NLGN1: variants seen among roughly 807,000 people sequenced by gnomAD.
NLGN1 encodes neuroligin 1, also known as neuroligin-1.
NLGN1 carries 12 observed loss-of-function variants against 65.5 expected under a neutral mutation model. The ratio of observed to expected loss-of-function variants is 0.18; its 90% CI spans 0.12 to 0.30. The LOEUF (loss-of-function observed/expected upper bound fraction) is 0.30, where lower values mean the gene tolerates loss of function less well. Among genes scored for constraint, NLGN1 ranks in the 10% least tolerant of loss-of-function variants. The probability of loss-of-function intolerance (pLI) is 1.00; values close to 1 mark genes in which losing one functional copy is unlikely to be tolerated. For synonymous variants in NLGN1, 350 were observed against 359.5 expected (o/e 0.97, Z 0.30); for missense variants, 750 against 1,007.1 (o/e 0.74, Z 3.46).
chr3:173,872,501 C>T (rs1047615056), intron 4 of NLGN1, among the ~76,000 whole-genome samples: 45 of 152,144 alleles, frequency 3.0e-4, no homozygotes, highest in African/African-American at 1.0e-3. Context: ...TTGTGTTAAA[C>T]AGAAAATTTA....
intron 2 of NLGN1, among the ~76,000 whole-genome samples, chr3:173,557,379 CTT>C (rs1741888907): frequency 6.6e-6 from 1 of 151,978 alleles, no homozygotes; most frequent in African/African-American, 2.4e-5. Context: ...CAGCGTATGA[CTT>C]ATCTCATTTT....
chr3:174,288,923 C>T (rs529117844), downstream of NLGN1, among the ~76,000 whole-genome samples: 267 of 151,542 alleles, frequency 1.8e-3, no homozygotes, highest in Non-Finnish European at 3.0e-3. Context: ...TTCTGTCTTT[C>T]TACTGCCCTT....
At chr3:173,751,968 T>C (rs1776367128) in intron 3 of NLGN1, among the ~76,000 whole-genome samples, 1 of 152,076 alleles carries the variant, frequency 6.6e-6, no homozygotes, top group African/African-American at 2.4e-5. Flanking sequence ...CTCTGAGGCC[T>C]GTGCTTGTTA....
chr3:173,740,750 CAT>C (rs921749925), intron 3 of NLGN1, among the ~76,000 whole-genome samples: 7 of 152,012 alleles, frequency 4.6e-5, no homozygotes, highest in Admixed American at 2.0e-4. Context: ...AGGAAGCAAT[CAT>C]GTGTTTAATT....
Position 173,727,473 on chromosome 3 carries a change from G to T in NLGN1, c.494-80207G>T, listed in dbSNP as rs375431673. 9.9e-5 allele frequency among the ~76,000 whole-genome samples: 15 copies of T among 152,110 alleles called. No homozygotes were observed. In the East Asian group the frequency reaches 2.9e-3, roughly 29 times the overall value. ...TGCCTGCCACTGACGTGCTAGAGTT[G>T]TATGCCCTTCTAGCACCTTAAACTA... On this transcript the variant is annotated intron_variant, in intron 3 of 6. Transcript: ENST00000457714.
At chr3:174,034,760 T>G (rs1274916483) in intron 4 of NLGN1, among the ~76,000 whole-genome samples, 1 of 151,820 alleles carries the variant, frequency 6.6e-6, no homozygotes, top group Non-Finnish European at 1.5e-5. Context: ...CAGAAAAAAT[T>G]TGAGGAAGTG....
chr3:174,275,528 G>GTATT lies in NLGN1; in HGVS notation c.859+2_859+5dup. The GTATT allele has an allele frequency of 6.2e-7, 1 of 1,610,260 alleles. No homozygotes were observed. The highest frequency in any genetic ancestry group is 8.5e-7 in the Non-Finnish European group (1 of 1,177,534). Reference sequence around the variant, plus strand: ...AACCGTTGGAGCAATTCAACCAAAGGTATTATGCAAGGTTGCAAATTTTGA... The same window carrying GTATT: ...AACCGTTGGAGCAATTCAACCAAAGGTATTTATTATGCAAGGTTGCAAATTTTGA... On this transcript the variant is annotated splice_donor_variant, in intron 5 of 6. Coordinates refer to ENST00000457714, the Ensembl canonical transcript of NLGN1. LOFTEE classifies it high-confidence loss of function.
chr3:173,450,847 A>T (rs1049173913), intron 2 of NLGN1, among the ~76,000 whole-genome samples: 1 of 152,064 alleles, frequency 6.6e-6, no homozygotes, highest in Non-Finnish European at 1.5e-5. Flanking sequence ...CTTCCAGTTG[A>T]TCGCGTCGGT....
At chr3:173,986,302 A>G (rs1032762034) in intron 4 of NLGN1, among the ~76,000 whole-genome samples, 5 of 151,990 alleles carry the variant, frequency 3.3e-5, no homozygotes, top group African/African-American at 1.2e-4. Context: ...CCACGTCTCT[A>G]CTAGAAATAC....
At chr3:173,750,874 C>T (rs1309208577) in intron 3 of NLGN1, among the ~76,000 whole-genome samples, 2 of 152,086 alleles carry the variant, frequency 1.3e-5, no homozygotes, top group East Asian at 1.9e-4. Context: ...TTGTAATGCA[C>T]TTGACCCTGG....
chr3:173,601,381 G>A (rs979161539), intron 2 of NLGN1, among the ~76,000 whole-genome samples: 1 of 152,036 alleles, frequency 6.6e-6, no homozygotes, highest in Non-Finnish European at 1.5e-5. Flanking sequence ...TTGATTAGTT[G>A]CTAGAATGAG....
At chr3:174,111,426 T>G (rs73880350) in intron 4 of NLGN1, among the ~76,000 whole-genome samples, 3,485 of 152,032 alleles carry the variant, frequency 0.023, 152 homozygotes, top group African/African-American at 0.078. Flanking sequence ...TTCCCAGTTT[T>G]TAAAGGTTGG....
chr3:173,521,029 T>C (rs893360480), intron 2 of NLGN1, among the ~76,000 whole-genome samples: 2 of 152,106 alleles, frequency 1.3e-5, no homozygotes, highest in Admixed American at 6.5e-5. Flanking sequence ...TTGTAAGGCA[T>C]TATGGGCATT....
intron 4 of NLGN1, among the ~76,000 whole-genome samples, chr3:174,201,337 TGGGAGGAATGAAGGAA>T (rs1734432048): frequency 3.2e-5 from 1 of 30,826 alleles, no homozygotes; most frequent in Non-Finnish European, 6.4e-5. Context: ...GGAGGGAAGG[TGGGAGGAATGAAGGAA>T]GGAAGGAAGG....
chr3:173,930,787 A>C (rs577004556), intron 4 of NLGN1, among the ~76,000 whole-genome samples: 213 of 152,286 alleles, frequency 1.4e-3, no homozygotes, highest in African/African-American at 4.7e-3. Context: ...TTGAAGGTCT[A>C]GAGAGTTCTC....
At chr3:173,678,527 G>A (rs1763487825) in intron 3 of NLGN1, among the ~76,000 whole-genome samples, 1 of 152,034 alleles carries the variant, frequency 6.6e-6, no homozygotes, top group Admixed American at 6.6e-5. Flanking sequence ...AGAGGATGGG[G>A]TTCATTCCAA....
intron 2 of NLGN1, among the ~76,000 whole-genome samples, chr3:173,541,021 A>G (rs1316166933): frequency 2.0e-5 from 3 of 152,182 alleles, no homozygotes; most frequent in African/African-American, 7.2e-5. Context: ...AGGATGATAA[A>G]TACACAAGCA....
intron 4 of NLGN1, among the ~76,000 whole-genome samples, chr3:174,155,164 AATAGC>A (rs1725212421): frequency 6.6e-6 from 1 of 150,402 alleles, no homozygotes; most frequent in Non-Finnish European, 1.5e-5. Flanking sequence ...TTTAACATCA[AATAGC>A]ATAACTTGCA....
At chr3:174,063,767 T>C (rs546605142) in intron 4 of NLGN1, among the ~76,000 whole-genome samples, 1 of 152,078 alleles carries the variant, frequency 6.6e-6, no homozygotes, top group Non-Finnish European at 1.5e-5. Context: ...GTTGGTAAAT[T>C]TAGGACAAAC....
Sources: gnomAD v4.1 joint callset for allele counts (sites outside exome capture counted in the v4.1 genomes callset) on GRCh38, gnomAD v4.1.1 for gene constraint, MANE v1.5 for transcripts, NCBI Gene and HGNC (gene_info 2026-07-23, HGNC 2026-07-21) for gene names.